Variants in IRAG2 observed in about 807,000 individuals in gnomAD.
IRAG2 encodes the protein lymphoid restricted membrane protein.
In IRAG2, 45 loss-of-function variants were observed where a neutral mutation model predicts 69.9. That is an observed-to-expected ratio of 0.64 (90% confidence interval 0.51 to 0.83). The LOEUF (loss-of-function observed/expected upper bound fraction) is 0.83. Ranked by LOEUF, IRAG2 falls within the 40% of genes least tolerant of loss-of-function variation. IRAG2 has a pLI of 0.00. For missense variants in IRAG2, 520 were observed against 587.0 expected, an observed-to-expected ratio of 0.89 and a Z score of 1.18; for synonymous variants, 193 against 202.4, an observed-to-expected ratio of 0.95 and a Z score of 0.40.
chr12:25,058,730 C>A (rs1471415696), intron 1 of IRAG2, among the ~76,000 whole-genome samples: 3 of 152,192 alleles, frequency 2.0e-5, no homozygotes, highest in African/African-American at 4.8e-5. Context: ...TTTATCTCAA[C>A]TTTCTTCAGA....
intron 8 of IRAG2, 47 bp downstream of exon 8, chr12:25,079,509 G>A (rs1161019704): frequency 2.0e-6 from 3 of 1,526,330 alleles, no homozygotes; most frequent in East Asian, 2.2e-5. Context: ...TAGTATTACA[G>A]CTTTCAGCCT....
chr12:25,044,578 A>C (rs546178557), intron 16 of IRAG2, among the ~76,000 whole-genome samples: 27 of 152,266 alleles, frequency 1.8e-4, no homozygotes, highest in African/African-American at 6.5e-4. Flanking sequence ...TGAAGAGATG[A>C]AAAAAGATAT....
At chr12:25,017,612 G>T (rs1053141845) in intron 6 of IRAG2, among the ~76,000 whole-genome samples, 1 of 151,976 alleles carries the variant, frequency 6.6e-6, no homozygotes, top group Non-Finnish European at 1.5e-5. Flanking sequence ...CAGCTATTCT[G>T]CAGGCTGAGG....
At chr12:25,038,943 C>A (rs1944725337) in intron 16 of IRAG2, among the ~76,000 whole-genome samples, 1 of 152,174 alleles carries the variant, frequency 6.6e-6, no homozygotes. Context: ...TAAATGGAGT[C>A]ATAGGGAATA....
chr12:25,023,218 T>C (rs1944596785), intron 7 of IRAG2, among the ~76,000 whole-genome samples: 3 of 152,136 alleles, frequency 2.0e-5, no homozygotes, highest in Admixed American at 2.0e-4. Flanking sequence ...GTGTTTATTA[T>C]TGTGTCAATG....
intron 2 of IRAG2, among the ~76,000 whole-genome samples, chr12:25,010,906 C>A (rs1944469293): frequency 6.6e-6 from 1 of 152,088 alleles, no homozygotes; most frequent in Admixed American, 6.5e-5. Flanking sequence ...CCTCCACCCC[C>A]TAAAAAGTAG....
intron 9 of IRAG2, among the ~76,000 whole-genome samples, chr12:25,080,980 C>G (rs184429669): frequency 6.6e-6 from 1 of 152,112 alleles, no homozygotes; most frequent in Non-Finnish European, 1.5e-5. Context: ...ATTCCAAGAC[C>G]GCCAGTGGAT....
intron 6 of IRAG2, among the ~76,000 whole-genome samples, chr12:25,071,315 C>T (rs1419705478): frequency 1.3e-5 from 2 of 151,964 alleles, no homozygotes; most frequent in Non-Finnish European, 2.9e-5. Context: ...CACTGCACTC[C>T]AGCCTGGGTA....
intron 6 of IRAG2, among the ~76,000 whole-genome samples, chr12:25,020,350 A>G (rs983983333): frequency 5.9e-5 from 9 of 152,156 alleles, no homozygotes; most frequent in Non-Finnish European, 1.3e-4. Context: ...ATCTCCCTCC[A>G]TAGTATGTAA....
chr12:25,070,197 A>G (rs892677808), intron 6 of IRAG2, among the ~76,000 whole-genome samples: 11 of 152,274 alleles, frequency 7.2e-5, no homozygotes, highest in African/African-American at 2.2e-4. Context: ...TACAACCATC[A>G]CCACAATCGG....
At chr12:25,003,518 T>C (rs1258492124), upstream of IRAG2, among the ~76,000 whole-genome samples, 2 of 151,914 alleles carry the variant, frequency 1.3e-5, no homozygotes, top group East Asian at 3.9e-4. Flanking sequence ...GCCTAGATTA[T>C]TTTAAATCTT....
intron 3 of IRAG2, among the ~76,000 whole-genome samples, chr12:25,063,283 C>T (rs1945748940): frequency 6.6e-6 from 1 of 152,132 alleles, no homozygotes; most frequent in African/African-American, 2.4e-5. Context: ...GGCTGGTGAC[C>T]TGAAGTGATC....
intron 13 of IRAG2, 24 bp downstream of exon 13, chr12:25,089,814 T>C (rs774942059): frequency 6.2e-7 from 1 of 1,611,928 alleles, no homozygotes; most frequent in Non-Finnish European, 8.5e-7. Context: ...AAATTTTTTT[T>C]CCTTTTAAAA....
At position 25,027,049 on chromosome 12, in the gene IRAG2, C is replaced by T. The variant is rs859131; in HGVS notation, c.1461+183C>T. ...TTTCCTTCTTTTTTTTTTTTGGCAA[C>T]TGCTTTACTGATATGTAATTCACAT... On this transcript the variant is annotated intron_variant, in intron 9 of 38. Transcript: ENST00000636465. 6.4e-3 allele frequency among the ~76,000 whole-genome samples: 950 copies of T among 148,046 alleles called. 12 individuals carry two copies. The highest frequency in any genetic ancestry group is 0.022 in the African/African-American group (883 of 40,260).
At chr12:25,064,658 CATTTAA>C (rs1408251369) in intron 4 of IRAG2, among the ~76,000 whole-genome samples, 1 of 152,158 alleles carries the variant, frequency 6.6e-6, no homozygotes, top group Non-Finnish European at 1.5e-5. Flanking sequence ...ATTTGTGGAT[CATTTAA>C]ATTTGAGAAG....
At chr12:25,106,366 AAT>A (rs1019163324) in intron 20 of IRAG2, among the ~76,000 whole-genome samples, 1 of 146,846 alleles carries the variant, frequency 6.8e-6, no homozygotes, top group Non-Finnish European at 1.5e-5. Context: ...TATATATATA[AAT>A]ATATATATTA....
chr12:25,014,621 A>G (rs1020277500), intron 3 of IRAG2, among the ~76,000 whole-genome samples: 1 of 152,196 alleles, frequency 6.6e-6, no homozygotes, highest in Non-Finnish European at 1.5e-5. Flanking sequence ...CAGCCTGTAC[A>G]GAGGGTTTCC....
chr12:25,015,161 T>TGG (rs71063388), intron 3 of IRAG2: 1 of 1,010,858 alleles, frequency 9.9e-7, no homozygotes, highest in Non-Finnish European at 1.2e-6. Context: ...TTTTGTTTTT[T>TGG]TTTTTTTTTT....
At chr12:25,056,947 C>G (rs1298504243) in intron 1 of IRAG2, among the ~76,000 whole-genome samples, 1 of 152,164 alleles carries the variant, frequency 6.6e-6, no homozygotes, top group Non-Finnish European at 1.5e-5. Context: ...AGGGCTCTAC[C>G]CCAGCCTTGT....
Sources: allele counts gnomAD v4.1 joint callset (sites outside exome capture counted in the v4.1 genomes callset), GRCh38; gene constraint gnomAD v4.1.1; transcripts MANE v1.5; gene names NCBI Gene and HGNC (gene_info 2026-07-23, HGNC 2026-07-21).